Variants in SNTG1 observed in about 807,000 individuals in gnomAD.
SNTG1 encodes gamma-1-syntrophin.
SNTG1 carries 39 observed loss-of-function variants against 74.7 expected under a neutral mutation model. That is an observed-to-expected ratio of 0.52 (90% CI 0.40 to 0.68). SNTG1 has a LOEUF of 0.68. SNTG1 is among the 30% of genes least tolerant of loss of function. SNTG1 has a pLI of 0.00. For synonymous variants in SNTG1, 254 were observed against 217.1 expected (o/e 1.17, Z -1.49); for missense variants, 685 against 609.5 (o/e 1.12, Z -1.30).
chr8:50,219,108 C>T (rs2084933428), intron 2 of SNTG1, among the ~76,000 whole-genome samples: 1 of 152,180 alleles, frequency 6.6e-6, no homozygotes, highest in Admixed American at 6.5e-5. Context: ...AGTGGGGAAA[C>T]TTTGATGTTT....
chr8:50,199,371 C>T (rs1401154627), intron 2 of SNTG1, among the ~76,000 whole-genome samples: 1 of 151,968 alleles, frequency 6.6e-6, no homozygotes, highest in Non-Finnish European at 1.5e-5. Flanking sequence ...GTGCCCACCA[C>T]TACACCTGGC....
At chr8:49,938,948 A>G (rs1808428712) in intron 1 of SNTG1, among the ~76,000 whole-genome samples, 1 of 151,940 alleles carries the variant, frequency 6.6e-6, no homozygotes, top group African/African-American at 2.4e-5. Flanking sequence ...GTGGTGCCCT[A>G]TCACGTTTTA....
chr8:50,727,153 ATT>A (rs1338913672), intron 17 of SNTG1, among the ~76,000 whole-genome samples: 4 of 152,148 alleles, frequency 2.6e-5, no homozygotes. Context: ...TGACATAGAG[ATT>A]CATGAGGTGT....
intron 1 of SNTG1, among the ~76,000 whole-genome samples, chr8:49,998,724 T>C (rs1193412675): frequency 6.6e-6 from 1 of 152,018 alleles, no homozygotes; most frequent in Non-Finnish European, 1.5e-5. Flanking sequence ...ATAACAGGCA[T>C]GGAGCTGTCA....
At chr8:50,024,313 T>A (rs1817076007) in intron 1 of SNTG1, among the ~76,000 whole-genome samples, 1 of 152,132 alleles carries the variant, frequency 6.6e-6, no homozygotes, top group African/African-American at 2.4e-5. Flanking sequence ...AACCAGAGTT[T>A]TAGGCAAACA....
intron 2 of SNTG1, among the ~76,000 whole-genome samples, chr8:50,376,406 A>G (rs755452900): frequency 5.3e-5 from 8 of 152,138 alleles, no homozygotes; most frequent in Non-Finnish European, 1.0e-4. Flanking sequence ...TTTCACTTGC[A>G]TAATGATAAT....
chr8:50,635,825 C>T (rs2095035620), intron 13 of SNTG1, among the ~76,000 whole-genome samples: 1 of 152,086 alleles, frequency 6.6e-6, no homozygotes, highest in African/African-American at 2.4e-5. Context: ...ACAAAGTCCC[C>T]TTTACTTTTA....
At chr8:49,982,332 G>A (rs1178772651) in intron 1 of SNTG1, among the ~76,000 whole-genome samples, 2 of 151,990 alleles carry the variant, frequency 1.3e-5, no homozygotes, top group Admixed American at 1.3e-4. Context: ...AGGTGACTTT[G>A]ACTTCTTCAG....
intron 5 of SNTG1, among the ~76,000 whole-genome samples, chr8:50,439,088 T>C (rs1242958832): frequency 4.6e-5 from 7 of 152,170 alleles, no homozygotes. Context: ...TCTTTGCATA[T>C]GCTTTATTTT....
chr8:50,690,645 G>A (rs1250302119), intron 15 of SNTG1, among the ~76,000 whole-genome samples: 3 of 152,190 alleles, frequency 2.0e-5, no homozygotes, highest in Non-Finnish European at 4.4e-5. Context: ...TTTTGCATTT[G>A]CTAAGGAGTG....
chr8:50,311,755 TG>T (rs2090122340), intron 2 of SNTG1, among the ~76,000 whole-genome samples: 2 of 152,230 alleles, frequency 1.3e-5, no homozygotes, highest in African/African-American at 4.8e-5. Context: ...CTCTATATCT[TG>T]AGATTATTCT....
At chr8:50,207,552 G>A (rs1048916858) in intron 2 of SNTG1, among the ~76,000 whole-genome samples, 1 of 151,746 alleles carries the variant, frequency 6.6e-6, no homozygotes, top group Non-Finnish European at 1.5e-5. Flanking sequence ...GGGTTTTTTT[G>A]TGTCTCTATC....
chr8:50,657,039 T>A lies in SNTG1; in HGVS notation c.966+14T>A. Reference sequence around the variant, plus strand: ...CTGGCACCTCCAGTACGTGTTTTATTGAAATGTATTGGTCGTTTCCATATT... The same window carrying A: ...CTGGCACCTCCAGTACGTGTTTTATAGAAATGTATTGGTCGTTTCCATATT... On this transcript the variant is annotated intron_variant, in intron 14 of 18. Transcript: ENST00000642720. The A allele has an allele frequency of 6.9e-7, 1 of 1,454,684 alleles. No homozygotes were observed. The highest frequency in any genetic ancestry group is 2.5e-5 in the East Asian group (1 of 40,584). The allele number at this position is 1,454,684 out of a possible 1,614,324, so 90.1% of individuals were successfully genotyped here.
At chr8:50,681,466 C>G (rs570239589) in intron 15 of SNTG1, among the ~76,000 whole-genome samples, 1 of 151,946 alleles carries the variant, frequency 6.6e-6, no homozygotes, top group Non-Finnish European at 1.5e-5. Context: ...ATGTACACAT[C>G]GCATAATTTT....
rs2088947167 is a variant in SNTG1, at chr8:50,289,138, G to A, written c.-27-105074G>A. Among the ~76,000 whole-genome samples, 2 of 152,056 alleles carry A rather than the reference G, an allele frequency of 1.3e-5. 1 individual carries two copies. The highest frequency in any genetic ancestry group is 4.2e-4 in the South Asian group (2 of 4,818). On this transcript the variant is annotated intron_variant, in intron 2 of 18. Coordinates refer to ENST00000642720, the MANE Select transcript of SNTG1 (RefSeq NM_018967.5). Reference sequence around the variant, plus strand: ...ACTTAAGATAAATAGTATATAATAAGCCTGGGTAGAAGACTACTATATAAA... The same window carrying A: ...ACTTAAGATAAATAGTATATAATAAACCTGGGTAGAAGACTACTATATAAA...
In SNTG1 at chr8:50,792,835, T is replaced by C. The variant is rs760092767; in HGVS notation, c.*6T>C. The C allele has an allele frequency of 6.2e-6, 10 of 1,610,736 alleles. No homozygotes were observed. The highest frequency in any genetic ancestry group is 3.3e-5 in the Admixed American group (2 of 59,764). ...AAGCAAAGTATACAACTTGACATAC[T>C]GAACTCTTCATTGACACACCCCATG... On this transcript the variant is annotated 3_prime_UTR_variant, in exon 19 of 19. Transcript: ENST00000642720.
intron 15 of SNTG1, among the ~76,000 whole-genome samples, chr8:50,701,591 C>CTTCTTCTTCT (rs2095424042): frequency 7.4e-6 from 1 of 135,008 alleles, no homozygotes; most frequent in Non-Finnish European, 1.6e-5. Flanking sequence ...TCTTCCTCTT[C>CTTCTTCTTCT]TTCTTCTTCT....
At chr8:50,298,538 G>A (rs574221392) in intron 2 of SNTG1, among the ~76,000 whole-genome samples, 11 of 152,278 alleles carry the variant, frequency 7.2e-5, no homozygotes, top group African/African-American at 2.4e-4. Flanking sequence ...TAAGGATGAA[G>A]GCAAGGGGCT....
At chr8:50,036,394 C>T (rs998779399) in intron 1 of SNTG1, among the ~76,000 whole-genome samples, 1 of 152,182 alleles carries the variant, frequency 6.6e-6, no homozygotes, top group Non-Finnish European at 1.5e-5. Flanking sequence ...ATCTTTCCCA[C>T]CCAACTTTCA....
Sources: allele counts gnomAD v4.1 joint callset (sites outside exome capture counted in the v4.1 genomes callset), GRCh38; gene constraint gnomAD v4.1.1; transcripts MANE v1.5; gene names NCBI Gene and HGNC (gene_info 2026-07-23, HGNC 2026-07-21).